Variants in TNKS observed in about 807,000 individuals in gnomAD.
The protein encoded by TNKS is poly [ADP-ribose] polymerase tankyrase-1.
Under a neutral mutation model 135.8 loss-of-function variants are expected in TNKS, and 72 were observed. The ratio of observed to expected loss-of-function variants is 0.53; its 90% confidence interval spans 0.44 to 0.64. The LOEUF is 0.64. TNKS is among the 30% of genes least tolerant of loss of function. The pLI is 0.00. For synonymous variants in TNKS, 849 were observed against 649.3 expected (o/e 1.31, Z -4.68); for missense variants, 1,769 against 1,674.0 (o/e 1.06, Z -0.99).
intron 3 of TNKS, among the ~76,000 whole-genome samples, chr8:9,654,438 T>G (rs1225344805): frequency 6.6e-6 from 1 of 152,188 alleles, no homozygotes; most frequent in Non-Finnish European, 1.5e-5. Flanking sequence ...AAAGGAGATA[T>G]AAATGAGGAT....
rs1440224584 is a variant in TNKS at position 9,780,328 on chromosome 8, CCTT to C, written c.*3599_*3601del. 7 of 152,074 alleles carry C rather than the reference CCTT, an allele frequency of 4.6e-5. No homozygotes were observed. Among genetic ancestry groups the C allele is most frequent in the African/African-American group, 1.7e-4 (7 of 41,400 alleles). 9.4% of individuals were successfully genotyped at this position (152,074 alleles called of 1,614,324 possible). On this transcript the variant is annotated 3_prime_UTR_variant, in exon 27 of 27. Transcript: ENST00000310430. ...CTTGTGTGATATCTGTGACAAATAGCCTTCTTCTTGTGTTTTCTGTTGGACTAA... is the reference window on the plus strand; with the variant it reads ...CTTGTGTGATATCTGTGACAAATAGCCTTCTTGTGTTTTCTGTTGGACTAA...
At chr8:9,773,261 C>G (rs1455972437) in intron 26 of TNKS, among the ~76,000 whole-genome samples, 1 of 151,804 alleles carries the variant, frequency 6.6e-6, no homozygotes, top group Non-Finnish European at 1.5e-5. Context: ...TTTAAACAAC[C>G]TAAATATTAA....
intron 1 of TNKS, among the ~76,000 whole-genome samples, chr8:9,565,430 T>G (rs1370914337): frequency 1.3e-5 from 2 of 152,220 alleles, no homozygotes; most frequent in Non-Finnish European, 2.9e-5. Flanking sequence ...TATATTTTCT[T>G]TTAAAGTGAG....
intron 3 of TNKS, among the ~76,000 whole-genome samples, chr8:9,675,279 C>T (rs1430447950): frequency 6.6e-6 from 1 of 152,136 alleles, no homozygotes; most frequent in Non-Finnish European, 1.5e-5. Context: ...AGTTTAGCTA[C>T]AAGAATCAAT....
chr8:9,619,321 A>G (rs972650074), intron 3 of TNKS, among the ~76,000 whole-genome samples: 1 of 152,190 alleles, frequency 6.6e-6, no homozygotes, highest in African/African-American at 2.4e-5. Flanking sequence ...TTTGTTAATT[A>G]TGTGAAGGAG....
chr8:9,567,333 T>G (rs761452844), intron 1 of TNKS, among the ~76,000 whole-genome samples: 46 of 152,234 alleles, frequency 3.0e-4, no homozygotes, highest in Non-Finnish European at 6.2e-4. Context: ...TTTATAAACA[T>G]AAAAAGTGTG....
intron 20 of TNKS, among the ~76,000 whole-genome samples, chr8:9,754,083 C>T (rs1806702688): frequency 6.6e-6 from 1 of 152,170 alleles, no homozygotes; most frequent in African/African-American, 2.4e-5. Context: ...GAATTTGAGG[C>T]CACCAGTATA....
intron 3 of TNKS, among the ~76,000 whole-genome samples, chr8:9,621,204 T>G (rs769685984): frequency 8.5e-5 from 13 of 152,212 alleles, no homozygotes; most frequent in Admixed American, 5.2e-4. Context: ...AACAGATTTC[T>G]CAGATGGCTC....
At chr8:9,728,843 C>A (rs1805282986) in intron 13 of TNKS, among the ~76,000 whole-genome samples, 1 of 152,148 alleles carries the variant, frequency 6.6e-6, no homozygotes, top group African/African-American at 2.4e-5. Context: ...ACTGCCCAGA[C>A]TCCTTCCTGT....
In TNKS at chr8:9,727,132, G is replaced by C. The variant is rs916086449; in HGVS notation, c.2001+412G>C. On this transcript the variant is annotated intron_variant, in intron 13 of 26. Coordinates refer to ENST00000310430, the MANE Select transcript of TNKS (RefSeq NM_003747.3). ...GATGACATTTGAAAGAATATTTCTT[G>C]ATCTTTTCTCAGAGGTTCACACATT... Among the ~76,000 whole-genome samples, 4 of 152,212 alleles carry C rather than the reference G, an allele frequency of 2.6e-5. No individual in the cohort carries two copies. In the East Asian group the frequency reaches 5.8e-4, roughly 22 times the overall value.
intron 26 of TNKS, among the ~76,000 whole-genome samples, chr8:9,773,562 G>C (rs1808060277): frequency 6.6e-6 from 1 of 151,960 alleles, no homozygotes; most frequent in Admixed American, 6.6e-5. Context: ...TTTCATAATT[G>C]GGTACAAAGA....
intron 2 of TNKS, among the ~76,000 whole-genome samples, chr8:9,583,683 T>G (rs1798257187): frequency 6.6e-6 from 1 of 151,918 alleles, no homozygotes; most frequent in Admixed American, 6.5e-5. Context: ...GAGACAGGGT[T>G]TGACCATGTT....
At chr8:9,608,375 T>G (rs1012958619) in intron 2 of TNKS, among the ~76,000 whole-genome samples, 1 of 152,088 alleles carries the variant, frequency 6.6e-6, no homozygotes, top group African/African-American at 2.4e-5. Context: ...TTCTAGGTCA[T>G]GCTGCTTATT....
chr8:9,771,832 G>GGGGAGGGA (rs1563226054), intron 26 of TNKS, among the ~76,000 whole-genome samples: 5 of 43,598 alleles, frequency 1.1e-4, no homozygotes, highest in South Asian at 1.7e-3. Flanking sequence ...GGAATGAAGC[G>GGGGAGGGA]GGGAGAGAGG....
At position 9,658,006 on chromosome 8, in the gene TNKS, C is replaced by T. The variant is rs1217546737; in HGVS notation, c.995-21945C>T. Among the ~76,000 whole-genome samples, 13 of 68,552 alleles carry T rather than the reference C, an allele frequency of 1.9e-4. No homozygotes were observed. The South Asian group carries it at 2.9e-3, about 15-fold the overall frequency. The allele number at this position is 68,552 out of a possible 152,430, so 45.0% of individuals were successfully genotyped here. ...GGCGCTCCTCACATCCCAGATGGGG[C>T]GGCGGGGCAGAGGCGCTCCCCACAT... is the stretch of plus-strand genomic sequence containing the variant. On this transcript the variant is annotated intron_variant, in intron 3 of 26. Transcript: ENST00000310430.
intron 3 of TNKS, among the ~76,000 whole-genome samples, chr8:9,649,225 T>G (rs958936241): frequency 6.6e-6 from 1 of 152,194 alleles, no homozygotes; most frequent in African/African-American, 2.4e-5. Flanking sequence ...TGAACTACCA[T>G]AGGAAGAAGA....
intron 3 of TNKS, among the ~76,000 whole-genome samples, chr8:9,650,329 A>G (rs780357796): frequency 5.3e-5 from 8 of 152,170 alleles, no homozygotes; most frequent in Non-Finnish European, 8.8e-5. Context: ...TCCTCTGGGT[A>G]GATACCCAGT....
At chr8:9,663,268 A>T (rs1030361738) in intron 3 of TNKS, among the ~76,000 whole-genome samples, 1 of 152,232 alleles carries the variant, frequency 6.6e-6, no homozygotes, top group Non-Finnish European at 1.5e-5. Context: ...TTACAATAAC[A>T]ATAGGAAACT....
In TNKS at chr8:9,735,438, C is replaced by G. The variant is rs771418445; in HGVS notation, c.2595C>G (p.Ala865=). 3.1e-6 allele frequency: 5 copies of G among 1,613,776 alleles called. No homozygotes were observed. The East Asian group carries it at 8.9e-5, about 29-fold the overall frequency. The part of the protein sequence containing the change: ...YLLEHGADVN[A]QDKGGLIPLH... ...TAGAGCATGGAGCTGATGTTAATGC[C>G]CAGGACAAGGGTGGTTTAATTCCTC... The change falls in exon 17 of 27, where the codon GCC becomes GCG. Residue 865 remains alanine (A), a synonymous_variant. Transcript: ENST00000310430.
Sources: gnomAD v4.1 joint callset for allele counts (sites outside exome capture counted in the v4.1 genomes callset) on GRCh38, gnomAD v4.1.1 for gene constraint, MANE v1.5 for transcripts, NCBI Gene and HGNC (gene_info 2026-07-23, HGNC 2026-07-21) for gene names.